The following ASIC2 variants were observed in gnomAD, a reference collection of about 807,000 sequenced individuals.
ASIC2 encodes acid-sensing ion channel 2.
Under a neutral mutation model 57.3 loss-of-function variants are expected in ASIC2, and 25 were observed. The ratio of observed to expected loss-of-function variants is 0.44; its 90% CI spans 0.32 to 0.61. The LOEUF is 0.61. Ranked by LOEUF, ASIC2 falls within the 20% of genes least tolerant of loss-of-function variation. The pLI is 0.06. For synonymous variants in ASIC2, 319 were observed against 307.5 expected, an observed-to-expected ratio of 1.04 and a Z score of -0.39; for missense variants, 641 against 738.1, an observed-to-expected ratio of 0.87 and a Z score of 1.52.
chr17:33,505,039 G>T (rs1381634766), intron 1 of ASIC2, among the ~76,000 whole-genome samples: 1 of 152,164 alleles, frequency 6.6e-6, no homozygotes, highest in Non-Finnish European at 1.5e-5. Flanking sequence ...TTTATGGAAT[G>T]GGTCTGGCTC....
intron 1 of ASIC2, among the ~76,000 whole-genome samples, chr17:33,840,046 T>A (rs1294646431): frequency 6.6e-6 from 1 of 152,248 alleles, no homozygotes; most frequent in Non-Finnish European, 1.5e-5. Flanking sequence ...CTTTTAGTCC[T>A]TCAACACCTG....
At chr17:33,325,320 G>A (rs546247503) in intron 1 of ASIC2, among the ~76,000 whole-genome samples, 34 of 152,364 alleles carry the variant, frequency 2.2e-4, no homozygotes, top group Non-Finnish European at 4.6e-4. Flanking sequence ...GGGATAGTAA[G>A]AGAAGGCTCT....
chr17:33,051,670 CTCTGTGTG>C (rs1370100660), intron 3 of ASIC2, among the ~76,000 whole-genome samples: 1 of 152,140 alleles, frequency 6.6e-6, no homozygotes, highest in East Asian at 1.9e-4. Context: ...TATCAGTTAC[CTCTGTGTG>C]AAATAGGAAT....
intron 1 of ASIC2, among the ~76,000 whole-genome samples, chr17:33,866,669 C>A (rs1309167628): frequency 6.6e-6 from 1 of 152,130 alleles, no homozygotes. Context: ...TGAACACACT[C>A]CAGGTACCAA....
chr17:33,707,709 C>T (rs1056752190), intron 1 of ASIC2, among the ~76,000 whole-genome samples: 6 of 152,178 alleles, frequency 3.9e-5, no homozygotes, highest in African/African-American at 1.4e-4. Context: ...TGTTTATCTG[C>T]CTTTCAGTTA....
intron 1 of ASIC2, among the ~76,000 whole-genome samples, chr17:34,100,769 T>C (rs1435283545): frequency 6.6e-6 from 1 of 152,170 alleles, no homozygotes; most frequent in African/African-American, 2.4e-5. Context: ...TCTGCTGGGC[T>C]TTCTTCTGTT....
At chr17:34,112,428 T>C (rs1911303516) in intron 1 of ASIC2, among the ~76,000 whole-genome samples, 1 of 151,538 alleles carries the variant, frequency 6.6e-6, no homozygotes, top group Non-Finnish European at 1.5e-5. Flanking sequence ...CTCCAAAGTT[T>C]TCTGCAGATT....
At chr17:34,040,847 G>A (rs998149122) in intron 1 of ASIC2, among the ~76,000 whole-genome samples, 1 of 152,172 alleles carries the variant, frequency 6.6e-6, no homozygotes, top group East Asian at 1.9e-4. Context: ...AATATAATAA[G>A]AGTTAACATC....
chr17:33,868,314 T>C (rs1349173910), intron 1 of ASIC2, among the ~76,000 whole-genome samples: 2 of 152,042 alleles, frequency 1.3e-5, no homozygotes, highest in Non-Finnish European at 2.9e-5. Flanking sequence ...CAGCTATAGA[T>C]AGTATGTAAA....
chr17:33,270,289 A>G (rs1040021749), intron 1 of ASIC2, among the ~76,000 whole-genome samples: 2 of 152,356 alleles, frequency 1.3e-5, no homozygotes, highest in Admixed American at 6.5e-5. Flanking sequence ...TACTGATTAT[A>G]GAGCTAATTA....
At chr17:33,705,376 A>G (rs891166778) in intron 1 of ASIC2, among the ~76,000 whole-genome samples, 3 of 152,204 alleles carry the variant, frequency 2.0e-5, no homozygotes, top group Middle Eastern at 3.2e-3. Context: ...GTAGCCCCCA[A>G]AGATATATCC....
At chr17:33,357,645 T>G (rs1504573) in intron 1 of ASIC2, among the ~76,000 whole-genome samples, 18,289 of 152,068 alleles carry the variant, frequency 0.12, 1,249 homozygotes, top group Middle Eastern at 0.19. Flanking sequence ...CATATAAATC[T>G]CCCACATGTA....
chr17:33,901,283 G>A (rs145724903), intron 1 of ASIC2, among the ~76,000 whole-genome samples: 1 of 152,234 alleles, frequency 6.6e-6, no homozygotes, highest in African/African-American at 2.4e-5. Context: ...GCCACAGCAG[G>A]TTCTGGAAGA....
chr17:33,553,759 A>ATAT (rs1029477863), intron 1 of ASIC2, among the ~76,000 whole-genome samples: 37 of 152,026 alleles, frequency 2.4e-4, no homozygotes, highest in African/African-American at 8.0e-4. Context: ...GTGGTAGTAG[A>ATAT]TATTATTATT....
At chr17:33,871,609 C>T (rs567141325) in intron 1 of ASIC2, among the ~76,000 whole-genome samples, 2 of 152,286 alleles carry the variant, frequency 1.3e-5, no homozygotes, top group South Asian at 4.1e-4. Context: ...CTCCCACCCT[C>T]TCCATTCTAG....
chr17:33,902,422 T>C (rs947190571), intron 1 of ASIC2, among the ~76,000 whole-genome samples: 1 of 152,238 alleles, frequency 6.6e-6, no homozygotes, highest in African/African-American at 2.4e-5. Context: ...CATCTTCCCA[T>C]TTAGCTAATG....
intron 1 of ASIC2, among the ~76,000 whole-genome samples, chr17:33,528,993 T>C (rs1914969910): frequency 6.6e-6 from 1 of 151,990 alleles, no homozygotes; most frequent in African/African-American, 2.4e-5. Flanking sequence ...GATTACAATA[T>C]TGGAGGGAGT....
chr17:33,135,469 C>T (rs546333773), intron 1 of ASIC2, among the ~76,000 whole-genome samples: 1 of 152,294 alleles, frequency 6.6e-6, no homozygotes, highest in East Asian at 1.9e-4. Flanking sequence ...CATTTGACTC[C>T]AGGCTCCCAG....
intron 1 of ASIC2, among the ~76,000 whole-genome samples, chr17:33,677,934 C>A (rs3103659): frequency 0.18 from 28,013 of 152,080 alleles, 2,788 homozygotes; most frequent in African/African-American, 0.25. Context: ...GTTTTGAAGG[C>A]GTGGGTAAAC....
Sources: gnomAD v4.1 joint callset for allele counts (sites outside exome capture counted in the v4.1 genomes callset) on GRCh38, gnomAD v4.1.1 for gene constraint, MANE v1.5 for transcripts, NCBI Gene and HGNC (gene_info 2026-07-23, HGNC 2026-07-21) for gene names.